Variants in NEK3 observed in about 807,000 individuals in gnomAD.
NEK3 encodes NIMA related kinase 3.
A neutral mutation model predicts 66.0 loss-of-function variants in NEK3; 54 were observed. That is an observed-to-expected ratio of 0.82 (90% CI 0.66 to 1.03). The LOEUF is 1.03. NEK3 is among the 50% of genes least tolerant of loss of function. The pLI is 0.00. For missense variants in NEK3, 593 were observed against 603.0 expected (o/e 0.98, Z 0.17); for synonymous variants, 200 against 206.2 (o/e 0.97, Z 0.26).
intron 6 of NEK3, 42 bp downstream of exon 6, chr13:52,151,283 A>G (rs1956344375): frequency 6.3e-7 from 1 of 1,595,114 alleles, no homozygotes; most frequent in East Asian, 2.2e-5. Flanking sequence ...CTGAAAATTG[A>G]TGTTTTGATT....
intron 7 of NEK3, 64 bp from the exon 8 acceptor site, chr13:52,148,533 T>A: frequency 1.4e-6 from 2 of 1,393,946 alleles, no homozygotes; most frequent in South Asian, 1.2e-5. Context: ...CAAAAAATAA[T>A]TTCTTACCTT....
At chr13:52,135,942 C>T (rs1476824182) in intron 13 of NEK3, 79 bp from the exon 14 acceptor site, 8 of 1,536,562 alleles carry the variant, frequency 5.2e-6, no homozygotes, top group African/African-American at 1.4e-5. Flanking sequence ...TATTTTCAAG[C>T]GAAGTTAGTT....
intron 11 of NEK3, among the ~76,000 whole-genome samples, chr13:52,139,451 T>TA (rs1956230116): frequency 6.6e-6 from 1 of 152,194 alleles, no homozygotes; most frequent in South Asian, 2.1e-4. Context: ...GCTTAACAGG[T>TA]ACAGAGTTTC....
intron 8 of NEK3, among the ~76,000 whole-genome samples, chr13:52,147,600 G>T (rs992113998): frequency 1.3e-5 from 2 of 152,186 alleles, no homozygotes; most frequent in Non-Finnish European, 1.5e-5. Context: ...GATTGGGACT[G>T]GGGAAAGGGA....
chr13:52,145,070 AC>A (rs1011050187), intron 8 of NEK3, among the ~76,000 whole-genome samples, 179 bp from the exon 9 acceptor site: 1 of 152,174 alleles, frequency 6.6e-6, no homozygotes, highest in Non-Finnish European at 1.5e-5. Context: ...AGAAAGTTAA[AC>A]ATGAATGATA....
intron 15 of NEK3, 60 bp downstream of exon 15, chr13:52,133,628 CA>C (rs1956175119): frequency 2.1e-6 from 3 of 1,455,956 alleles, no homozygotes; most frequent in South Asian, 2.6e-5. Flanking sequence ...CACACACACA[CA>C]CACACACACA....
chr13:52,133,366 G>T, intron 15 of NEK3, 140 bp from the exon 16 acceptor site: 1 of 720,848 alleles, frequency 1.4e-6, no homozygotes, highest in Non-Finnish European at 2.3e-6. Context: ...GGAAAAAATT[G>T]CCAGTTCTTC....
At position 52,132,870 on chromosome 13, in the gene NEK3, C is replaced by T. The variant is rs766937041; in HGVS notation, c.*272G>A. On this transcript the variant is annotated 3_prime_UTR_variant, in exon 16 of 16. Coordinates refer to ENST00000610828, the MANE Select transcript of NEK3 (RefSeq NM_002498.3). The stretch of plus-strand genomic sequence containing the variant: ...ACAATCACACAAGTAGGTAGTGGCA[C>T]GCTAGCATCCCATTTCTGTTCTATG... The T allele has an allele frequency of 2.8e-5, 10 of 351,720 alleles. No individual in the cohort carries two copies. Among genetic ancestry groups the T allele is most frequent in the Non-Finnish European group, 4.7e-5 (9 of 191,882 alleles). 21.8% of individuals were successfully genotyped at this position (351,720 alleles called of 1,614,324 possible).
At chr13:52,149,608 A>G in intron 7 of NEK3, among the ~76,000 whole-genome samples, 1 of 151,998 alleles carries the variant, frequency 6.6e-6, no homozygotes, top group East Asian at 1.9e-4. Context: ...GGTGGTTCAC[A>G]CCTGTAATCC....
intron 1 of NEK3, chr13:52,157,317 G>A (rs542022668): frequency 1.3e-5 from 2 of 152,258 alleles, no homozygotes; most frequent in African/African-American, 4.8e-5. Flanking sequence ...GAATAGAGTG[G>A]AGGCAATGGG....
rs1207334517 is a variant in NEK3, at chr13:52,148,399, T to C, written c.603+16A>G. On this transcript the variant is annotated intron_variant, in intron 8 of 15. Coordinates refer to ENST00000610828, the MANE Select transcript of NEK3 (RefSeq NM_002498.3). ...ATATGACAAGCTGCCTTTTCCATTT[T>C]GCACGCCATACTTACTGGATGCTTA... 4 of 1,612,312 alleles carry C rather than the reference T, an allele frequency of 2.5e-6. No individual in the cohort carries two copies. Among genetic ancestry groups the C allele is most frequent in the Non-Finnish European group, 2.5e-6 (3 of 1,178,894 alleles).
intron 14 of NEK3, 105 bp from the exon 15 acceptor site, chr13:52,133,920 A>AT: frequency 2.6e-6 from 3 of 1,148,092 alleles, no homozygotes; most frequent in Non-Finnish European, 3.7e-6. Flanking sequence ...GGACAATGCC[A>AT]TGTCCCATAA....
chr13:52,156,000 G>A, intron 2 of NEK3, 75 bp downstream of exon 2: 1 of 936,198 alleles, frequency 1.1e-6, no homozygotes. Context: ...GAGCCACTGT[G>A]CCTGGCCAAA....
intron 8 of NEK3, among the ~76,000 whole-genome samples, chr13:52,147,599 T>C (rs1956305089): frequency 6.6e-6 from 1 of 152,144 alleles, no homozygotes. Flanking sequence ...AGATTGGGAC[T>C]GGGGAAAGGG....
chr13:52,152,562 G>C (rs761896416), intron 5 of NEK3, 47 bp downstream of exon 5: 6 of 1,259,404 alleles, frequency 4.8e-6, no homozygotes, highest in Non-Finnish European at 6.8e-6. Flanking sequence ...TAAAATGACT[G>C]AATTAAGGAC....
rs1483371361 is a variant in NEK3 at position 52,132,796 on chromosome 13, C to A, written c.*346G>T. The A allele has an allele frequency of 4.7e-6, 1 of 215,022 alleles. No individual in the cohort carries two copies. The highest frequency in any genetic ancestry group is 5.2e-5 in the Admixed American group (1 of 19,066). The allele number at this position is 215,022 out of a possible 1,614,324, so 13.3% of individuals were successfully genotyped here. Reference sequence around the variant, plus strand: ...CCTCTGAGGTAGGCATTATTATCTTCATTTTATGGTTGAGGAAATTGGGGC... The same window carrying A: ...CCTCTGAGGTAGGCATTATTATCTTAATTTTATGGTTGAGGAAATTGGGGC... On this transcript the variant is annotated 3_prime_UTR_variant, in exon 16 of 16. Coordinates refer to ENST00000610828, the MANE Select transcript of NEK3 (RefSeq NM_002498.3).
At chr13:52,141,678 C>G (rs1956251148) in intron 10 of NEK3, among the ~76,000 whole-genome samples, 1 of 152,180 alleles carries the variant, frequency 6.6e-6, no homozygotes, top group Non-Finnish European at 1.5e-5. Context: ...TGTTCCATTT[C>G]ATTATTCTGG....
chr13:52,140,287 A>C (rs1181599137), intron 11 of NEK3, among the ~76,000 whole-genome samples: 2 of 151,060 alleles, frequency 1.3e-5, no homozygotes, highest in Admixed American at 1.3e-4. Flanking sequence ...ATTCTTCCAC[A>C]TCTGTATTGA....
intron 7 of NEK3, 88 bp from the exon 8 acceptor site, chr13:52,148,557 T>C (rs1956313377): frequency 1.8e-6 from 2 of 1,119,778 alleles, no homozygotes; most frequent in African/African-American, 1.5e-5. Context: ...TAAGAATAGA[T>C]ATCACAAGTA....
Sources: gnomAD v4.1 joint callset for allele counts (sites outside exome capture counted in the v4.1 genomes callset) on GRCh38, gnomAD v4.1.1 for gene constraint, MANE v1.5 for transcripts, NCBI Gene and HGNC (gene_info 2026-07-23, HGNC 2026-07-21) for gene names.